The following UPRT variants were observed in gnomAD, a reference collection of about 807,000 sequenced individuals.
UPRT encodes RP11-311P8.3.
Under a neutral mutation model 22.6 loss-of-function variants are expected in UPRT, and 5 were observed. The observed-to-expected ratio is 0.22, with a 90% CI of 0.12 to 0.47. The LOEUF is 0.47. Among genes scored for constraint, UPRT ranks in the 20% least tolerant of loss-of-function variants. UPRT has a pLI of 0.99. For missense variants in UPRT, 181 were observed against 239.9 expected, an observed-to-expected ratio of 0.75 and a Z score of 1.62; for synonymous variants, 77 against 87.7, an observed-to-expected ratio of 0.88 and a Z score of 0.68.
intron 4 of UPRT, among the ~76,000 whole-genome samples, chrX:75,194,094 C>T (rs1426003932): frequency 2.7e-5 from 3 of 111,731 alleles, no homozygotes; most frequent in African/African-American, 9.8e-5. Context: ...GCTAATGTTT[C>T]CTTTAATCTT....
intron 4 of UPRT, among the ~76,000 whole-genome samples, chrX:75,263,967 C>T (rs1181600006): frequency 6.3e-5 from 7 of 110,364 alleles, no homozygotes; most frequent in Admixed American, 2.0e-4. Flanking sequence ...GCCTTCATTT[C>T]GTTATGTACC....
intron 4 of UPRT, among the ~76,000 whole-genome samples, chrX:75,189,294 G>C (rs1271868911): frequency 2.7e-5 from 3 of 112,070 alleles, no homozygotes; most frequent in Non-Finnish European, 5.6e-5. Flanking sequence ...GAGCGGTTTT[G>C]AGTGAGTTTC....
At chrX:75,290,688 T>G (rs1304504742) in intron 1 of UPRT, among the ~76,000 whole-genome samples, 1 of 111,255 alleles carries the variant, frequency 9.0e-6, no homozygotes, top group Non-Finnish European at 1.9e-5. Flanking sequence ...AGTGAATTAA[T>G]GCAGGAACAG....
chrX:75,254,110 G>A (rs1036583873), intron 4 of UPRT, among the ~76,000 whole-genome samples: 2 of 111,635 alleles, frequency 1.8e-5, no homozygotes, highest in African/African-American at 3.3e-5. Flanking sequence ...GACTCCACAA[G>A]TAGGGGAAAA....
intron 1 of UPRT, among the ~76,000 whole-genome samples, chrX:75,291,713 A>T (rs2082708915): frequency 9.0e-6 from 1 of 111,674 alleles, no homozygotes; most frequent in Non-Finnish European, 1.9e-5. Flanking sequence ...AATGAATAGT[A>T]TGGATCTGAA....
intron 4 of UPRT, among the ~76,000 whole-genome samples, chrX:75,253,793 A>C (rs1362121161): frequency 2.7e-5 from 3 of 111,990 alleles, no homozygotes; most frequent in Non-Finnish European, 3.8e-5. Context: ...CCCCAAACAC[A>C]AACCCCCACT....
At chrX:75,257,501 A>G (rs183887169) in intron 4 of UPRT, among the ~76,000 whole-genome samples, 7 of 111,871 alleles carry the variant, frequency 6.3e-5, no homozygotes, top group African/African-American at 2.3e-4. Flanking sequence ...TCAACATAGT[A>G]CTAAAAGTCC....
intron 4 of UPRT, among the ~76,000 whole-genome samples, chrX:75,261,254 A>G (rs1260868537): frequency 8.9e-6 from 1 of 111,760 alleles, no homozygotes; most frequent in African/African-American, 3.2e-5. Flanking sequence ...AACTAAGATC[A>G]GAGCAGAACT....
chrX:75,201,247 T>A (rs1245568082), intron 4 of UPRT, among the ~76,000 whole-genome samples: 4 of 112,690 alleles, frequency 3.5e-5, no homozygotes, highest in East Asian at 5.6e-4. Context: ...GTCAATCCTA[T>A]TTGCTTCACT....
At chrX:75,267,008 A>G (rs981817720) in intron 4 of UPRT, among the ~76,000 whole-genome samples, 1 of 111,566 alleles carries the variant, frequency 9.0e-6, no homozygotes, top group African/African-American at 3.3e-5. Flanking sequence ...AACTGGTTCA[A>G]TCATTGTGGA....
At chrX:75,174,478 G>A (rs770925513) in intron 4 of UPRT, among the ~76,000 whole-genome samples, 4 of 111,991 alleles carry the variant, frequency 3.6e-5, no homozygotes, top group Non-Finnish European at 7.5e-5. Flanking sequence ...TGGCTGACAC[G>A]GGACCTAGAA....
At chrX:75,165,957 C>T (rs1018083) in intron 3 of UPRT, among the ~76,000 whole-genome samples, 6,090 of 111,287 alleles carry the variant, frequency 0.055, 208 homozygotes, top group South Asian at 0.13. Flanking sequence ...TGGAAAGTTT[C>T]TGAAATATAA....
At position 75,297,819 on chromosome X, in the gene UPRT, T is replaced by C. The variant is rs139322740; in HGVS notation, c.562+266T>C. The C allele has an allele frequency of 3.5e-3, 1,170 of 335,752 alleles. 14 individuals carry two copies. The highest frequency in any genetic ancestry group is 0.026 in the African/African-American group (1,003 of 38,254). The allele number at this position is 335,752 out of a possible 1,213,427, so 27.7% of individuals were successfully genotyped here. On this transcript the variant is annotated intron_variant, in intron 4 of 6. Coordinates refer to ENST00000373383, the MANE Select transcript of UPRT (RefSeq NM_145052.4). ...AGAGATTCAGAGGAGGATGGGAGGATAGGAGGATGTGGTGATGCTATCTTG... is the reference window on the plus strand; with the variant it reads ...AGAGATTCAGAGGAGGATGGGAGGACAGGAGGATGTGGTGATGCTATCTTG...
At chrX:75,263,264 C>T (rs1008711025) in intron 4 of UPRT, among the ~76,000 whole-genome samples, 6 of 111,655 alleles carry the variant, frequency 5.4e-5, no homozygotes, top group Non-Finnish European at 9.4e-5. Context: ...CCCTCTTGTT[C>T]TATTGATTGG....
At chrX:75,243,394 T>A (rs753438505) in intron 4 of UPRT, among the ~76,000 whole-genome samples, 16 of 111,657 alleles carry the variant, frequency 1.4e-4, no homozygotes, top group Non-Finnish European at 1.9e-4. Flanking sequence ...CTGTCTTGGA[T>A]CTGTTCCATT....
intron 4 of UPRT, among the ~76,000 whole-genome samples, chrX:75,183,520 T>A (rs974725239): frequency 8.9e-6 from 1 of 112,147 alleles, no homozygotes; most frequent in African/African-American, 3.2e-5. Context: ...TGATTTATAA[T>A]CCTTTGGGTA....
chrX:75,191,642 C>A (rs1485110652), intron 4 of UPRT, among the ~76,000 whole-genome samples: 1 of 112,227 alleles, frequency 8.9e-6, no homozygotes, highest in African/African-American at 3.2e-5. Context: ...CTTTGTTTAC[C>A]TACTCAAGCC....
intron 3 of UPRT, among the ~76,000 whole-genome samples, chrX:75,297,117 G>A (rs576158786): frequency 9.0e-6 from 1 of 111,665 alleles, no homozygotes; most frequent in South Asian, 3.8e-4. Context: ...ATGGAATGAG[G>A]AAGCTTTCTG....
intron 4 of UPRT, among the ~76,000 whole-genome samples, chrX:75,234,782 A>G (rs1441608161): frequency 2.7e-5 from 3 of 111,189 alleles, no homozygotes; most frequent in Non-Finnish European, 1.9e-5. Context: ...GACACATTCA[A>G]AGCAGTGTGT....
Sources: allele counts gnomAD v4.1 joint callset (sites outside exome capture counted in the v4.1 genomes callset), GRCh38; gene constraint gnomAD v4.1.1; transcripts MANE v1.5; gene names NCBI Gene and HGNC (gene_info 2026-07-23, HGNC 2026-07-21).